Variants in GMDS observed in about 807,000 individuals in gnomAD.
GMDS encodes GDP-mannose 4,6 dehydratase.
In GMDS, 20 loss-of-function variants were observed where a neutral mutation model predicts 49.9. The ratio of observed to expected loss-of-function variants is 0.40; its 90% confidence interval spans 0.28 to 0.58. The LOEUF (loss-of-function observed/expected upper bound fraction) is 0.58, where lower values mean the gene tolerates loss of function less well. Ranked by LOEUF, GMDS falls within the 20% of genes least tolerant of loss-of-function variation. GMDS has a pLI of 0.42. For missense variants in GMDS, 362 were observed against 481.4 expected (o/e 0.75, Z 2.32); for synonymous variants, 177 against 178.6 (o/e 0.99, Z 0.07).
intron 7 of GMDS, among the ~76,000 whole-genome samples, chr6:1,837,025 C>T (rs1015604458): frequency 4.6e-5 from 7 of 152,256 alleles, no homozygotes; most frequent in African/African-American, 7.2e-5. Context: ...TTTCAGTTTC[C>T]GCTAACTCTT....
At chr6:1,915,613 C>T (rs576324622) in intron 7 of GMDS, among the ~76,000 whole-genome samples, 5 of 152,328 alleles carry the variant, frequency 3.3e-5, no homozygotes, top group African/African-American at 4.8e-5. Flanking sequence ...CTCAGAAAGG[C>T]GACTCTGGCA....
chr6:1,851,598 G>A (rs1757675294), intron 7 of GMDS, among the ~76,000 whole-genome samples: 1 of 152,076 alleles, frequency 6.6e-6, no homozygotes. Flanking sequence ...TTTAATAAGG[G>A]GACTGTGTTT....
At chr6:1,991,837 T>C (rs867138960) in intron 4 of GMDS, among the ~76,000 whole-genome samples, 1 of 152,074 alleles carries the variant, frequency 6.6e-6, no homozygotes, top group Non-Finnish European at 1.5e-5. Context: ...AGGGGTAGGG[T>C]TGGCACACAG....
At chr6:1,865,273 C>G (rs1052102504) in intron 7 of GMDS, among the ~76,000 whole-genome samples, 1 of 152,132 alleles carries the variant, frequency 6.6e-6, no homozygotes, top group Non-Finnish European at 1.5e-5. Flanking sequence ...TCCAACCTAG[C>G]AGATTTGTAA....
chr6:1,928,081 A>G (rs1054950002), intron 7 of GMDS, among the ~76,000 whole-genome samples: 3 of 152,202 alleles, frequency 2.0e-5, no homozygotes, highest in Admixed American at 2.0e-4. Flanking sequence ...TAATACCTAT[A>G]TAGGGCCAGG....
intron 1 of GMDS, among the ~76,000 whole-genome samples, chr6:2,157,412 C>T (rs978612021): frequency 6.6e-6 from 1 of 152,182 alleles, no homozygotes; most frequent in Non-Finnish European, 1.5e-5. Flanking sequence ...AAGCTATTGT[C>T]TTTGATTCAT....
At chr6:2,149,432 T>A (rs1379636297) in intron 1 of GMDS, among the ~76,000 whole-genome samples, 1 of 152,154 alleles carries the variant, frequency 6.6e-6, no homozygotes. Context: ...AGAACTCCCA[T>A]GAACAGGCAC....
intron 7 of GMDS, among the ~76,000 whole-genome samples, chr6:1,917,651 C>T (rs1177736791): frequency 1.3e-5 from 2 of 152,212 alleles, no homozygotes; most frequent in Non-Finnish European, 1.5e-5. Flanking sequence ...AACTATGCAG[C>T]CCTTGAAATC....
In GMDS at chr6:1,849,900, G is replaced by GA. The variant is rs1187514387; in HGVS notation, c.771+80202dup. 8.5e-5 allele frequency among the ~76,000 whole-genome samples: 13 copies of GA among 152,072 alleles called. 1 individual carries two copies. The highest frequency in any genetic ancestry group is 6.5e-4 in the Admixed American group (10 of 15,274). ...CCTTTCGTGGAGCTAGAATTGCTCA[G>GA]AAAAAAAGTGGGTGTTTTTTGCAAA... On this transcript the variant is annotated intron_variant, in intron 7 of 10. Transcript: ENST00000380815.
At chr6:1,761,179 T>C (rs570938772) in intron 7 of GMDS, among the ~76,000 whole-genome samples, 2 of 152,278 alleles carry the variant, frequency 1.3e-5, no homozygotes, top group East Asian at 3.9e-4. Flanking sequence ...AGAGCGTACC[T>C]TGAAGTTCAA....
intron 4 of GMDS, among the ~76,000 whole-genome samples, chr6:2,107,810 T>C (rs759624667): frequency 1.3e-5 from 2 of 152,248 alleles, no homozygotes; most frequent in African/African-American, 2.4e-5. Context: ...AAAGGCACTA[T>C]AGTATGCAGG....
chr6:1,785,164 A>T (rs1769266355), intron 7 of GMDS, among the ~76,000 whole-genome samples: 1 of 152,206 alleles, frequency 6.6e-6, no homozygotes, highest in Non-Finnish European at 1.5e-5. Context: ...TTACCTAAAC[A>T]GGGTTATGTA....
chr6:1,683,035 G>A (rs189370688), intron 9 of GMDS, among the ~76,000 whole-genome samples: 313 of 143,466 alleles, frequency 2.2e-3, no homozygotes, highest in African/African-American at 7.5e-3. Flanking sequence ...GGGTGAGCAC[G>A]TGGGAGTCTC....
chr6:2,084,420 C>G (rs113118690), intron 4 of GMDS, among the ~76,000 whole-genome samples: 1 of 152,186 alleles, frequency 6.6e-6, no homozygotes, highest in Non-Finnish European at 1.5e-5. Context: ...ACTTTCCAAT[C>G]TCTAAAATAG....
rs1254201403 is a variant in GMDS at position 1,858,987 on chromosome 6, GA to G, written c.771+71115del. Among the ~76,000 whole-genome samples, 6 of 152,112 alleles carry G rather than the reference GA, an allele frequency of 3.9e-5. No individual in the cohort carries two copies. In the East Asian group the frequency reaches 1.2e-3, roughly 29 times the overall value. ...TTTTGGGGGGGGCAGGCACTTAACT[GA>G]GATGACATAGAAGCACACTGGCAGG... On this transcript the variant is annotated intron_variant, in intron 7 of 10. Coordinates refer to ENST00000380815, the MANE Select transcript of GMDS (RefSeq NM_001500.4).
At chr6:1,830,778 C>T (rs1360494877) in intron 7 of GMDS, among the ~76,000 whole-genome samples, 3 of 152,080 alleles carry the variant, frequency 2.0e-5, no homozygotes, top group Admixed American at 2.0e-4. Flanking sequence ...TTGAATCCTC[C>T]ACACTATACA....
intron 7 of GMDS, among the ~76,000 whole-genome samples, chr6:1,811,555 C>CT (rs67339222): frequency 0.35 from 41,859 of 119,018 alleles, 7,441 homozygotes; most frequent in East Asian, 0.49. Flanking sequence ...ACTAGTCAAG[C>CT]TTTTTTTTTT....
intron 4 of GMDS, among the ~76,000 whole-genome samples, chr6:1,966,797 C>T (rs1479330593): frequency 6.6e-6 from 1 of 152,182 alleles, no homozygotes; most frequent in Non-Finnish European, 1.5e-5. Flanking sequence ...GTAAATAGCA[C>T]CCATTCCAAG....
intron 9 of GMDS, among the ~76,000 whole-genome samples, chr6:1,723,297 C>T (rs1342441773): frequency 7.7e-5 from 3 of 38,724 alleles, no homozygotes; most frequent in African/African-American, 5.5e-4. Context: ...CTGATGTGTC[C>T]TATTTTTTTT....
Sources: allele counts gnomAD v4.1 joint callset (sites outside exome capture counted in the v4.1 genomes callset), GRCh38; gene constraint gnomAD v4.1.1; transcripts MANE v1.5; gene names NCBI Gene and HGNC (gene_info 2026-07-23, HGNC 2026-07-21).